GRHL3: variants seen among roughly 807,000 people sequenced by gnomAD.
GRHL3 encodes the protein grainyhead like transcription factor 3.
GRHL3 carries 20 observed loss-of-function variants against 70.3 expected under a neutral mutation model. The observed-to-expected ratio is 0.28, with a 90% CI of 0.20 to 0.41. The LOEUF is 0.41. GRHL3 is among the 10% of genes least tolerant of loss of function. GRHL3 has a pLI of 1.00. For synonymous variants in GRHL3, 299 were observed against 299.9 expected (o/e 1.00, Z 0.03); for missense variants, 637 against 762.3 (o/e 0.84, Z 1.94).
chr1:24,358,142 G>A (rs934432327), downstream of GRHL3: 1 of 465,364 alleles, frequency 2.1e-6, no homozygotes, highest in Non-Finnish European at 4.3e-6. Context: ...ATGAAACAGG[G>A]AAGGGTGGGG....
chr1:24,358,749 G>A (rs985142636), downstream of GRHL3: 8 of 653,860 alleles, frequency 1.2e-5, no homozygotes, highest in African/African-American at 1.3e-4. Flanking sequence ...CACGTGGGGA[G>A]ACAGAGAGGA....
At chr1:24,338,280 T>A (rs1051142439) in intron 7 of GRHL3, among the ~76,000 whole-genome samples, 177 bp downstream of exon 7, 1 of 152,248 alleles carries the variant, frequency 6.6e-6, no homozygotes, top group Non-Finnish European at 1.5e-5. Flanking sequence ...GTGGCGTCTT[T>A]TCTGTATTGC....
chr1:24,347,715 G>A (rs1640347629), intron 14 of GRHL3, among the ~76,000 whole-genome samples, 162 bp downstream of exon 14: 1 of 152,084 alleles, frequency 6.6e-6, no homozygotes, highest in African/African-American at 2.4e-5. Context: ...CTGCCGGTGG[G>A]GGTGTGCCTC....
chr1:24,347,337 A>G, intron 13 of GRHL3, 131 bp from the exon 14 acceptor site: 1 of 780,604 alleles, frequency 1.3e-6, no homozygotes, highest in Non-Finnish European at 2.2e-6. Flanking sequence ...GAGCCGGCCA[A>G]AGGGCCTCCC....
intron 15 of GRHL3, chr1:24,360,901 T>G: frequency 6.2e-7 from 1 of 1,613,800 alleles, no homozygotes; most frequent in Middle Eastern, 1.7e-4. Context: ...CCGGCTGGTA[T>G]TGGACACGAA....
At chr1:24,358,243 G>A (rs1411133391), downstream of GRHL3, 9 of 608,160 alleles carry the variant, frequency 1.5e-5, no homozygotes, top group Middle Eastern at 5.1e-4. Context: ...GAGTCGTGCC[G>A]GAAGGCAGCC....
intron 11 of GRHL3, among the ~76,000 whole-genome samples, chr1:24,343,866 G>A (rs1640142802): frequency 6.6e-6 from 1 of 152,234 alleles, no homozygotes; most frequent in Non-Finnish European, 1.5e-5. Context: ...AGGACAATGA[G>A]GTGTAGACAG....
At chr1:24,340,178 A>G (rs1639983448) in intron 8 of GRHL3, among the ~76,000 whole-genome samples, 1 of 152,158 alleles carries the variant, frequency 6.6e-6, no homozygotes, top group South Asian at 2.1e-4. Context: ...AGCCTTTTGC[A>G]TGGTCACACA....
At chr1:24,340,498 G>T (rs12410231) in intron 8 of GRHL3, among the ~76,000 whole-genome samples, 41,639 of 152,120 alleles carry the variant, frequency 0.27, 6,465 homozygotes, top group East Asian at 0.46. Flanking sequence ...TGCCATGTGC[G>T]CATGGGCCTC....
chr1:24,362,382 G>A lies in GRHL3; in HGVS notation c.1695-1803G>A, dbSNP rs186716956. 5.9e-5 allele frequency among the ~76,000 whole-genome samples: 9 copies of A among 152,314 alleles called. No individual in the cohort carries two copies. The East Asian group carries it at 7.7e-4, about 13-fold the overall frequency. On this transcript the variant is annotated intron_variant, in intron 15 of 15. Transcript: ENST00000350501. ...AGCAATATGGAGAAAGCATGATGGCGGAGGGGACTGAGTTTAAGGGTCACA... is the reference window on the plus strand; with the variant it reads ...AGCAATATGGAGAAAGCATGATGGCAGAGGGGACTGAGTTTAAGGGTCACA...
At chr1:24,332,046 C>T (rs1020056240) in intron 2 of GRHL3, among the ~76,000 whole-genome samples, 20 of 152,164 alleles carry the variant, frequency 1.3e-4, no homozygotes, top group African/African-American at 4.1e-4. Flanking sequence ...CTGACCCACT[C>T]GTTGCCTGGT....
Position 24,355,186 on chromosome 1 carries a change from A to G in GRHL3, c.*698A>G, listed in dbSNP as rs542914370. The G allele has an allele frequency of 1.1e-4, 17 of 152,292 alleles. No homozygotes were observed. Among genetic ancestry groups the G allele is most frequent in the Admixed American group, 2.6e-4 (4 of 15,252 alleles). The allele number at this position is 152,292 out of a possible 1,614,324, so 9.4% of individuals were successfully genotyped here. On this transcript the variant is annotated 3_prime_UTR_variant, in exon 16 of 16. Coordinates refer to ENST00000361548, the MANE Select transcript of GRHL3 (RefSeq NM_198173.3). ...ATGCAACATTTTATATTTTTCATGG[A>G]TATGTTTTTATCATTTCAAAAAATG...
intron 12 of GRHL3, among the ~76,000 whole-genome samples, 153 bp from the exon 13 acceptor site, chr1:24,346,400 C>T (rs1321382510): frequency 6.6e-6 from 1 of 152,222 alleles, no homozygotes; most frequent in Non-Finnish European, 1.5e-5. Context: ...AGTCCAACTC[C>T]AGACCTGCTG....
chr1:24,324,803 G>A (rs1639329711), intron 1 of GRHL3, among the ~76,000 whole-genome samples: 1 of 152,082 alleles, frequency 6.6e-6, no homozygotes, highest in South Asian at 2.1e-4. Context: ...AAAGCTCTGG[G>A]CCCACTCCCA....
intron 7 of GRHL3, 93 bp from the exon 8 acceptor site, chr1:24,339,575 G>C: frequency 1.3e-6 from 1 of 798,466 alleles, no homozygotes. Flanking sequence ...AACCACGCCC[G>C]GCCGAGTGAG....
At chr1:24,336,970 C>T in intron 4 of GRHL3, 108 bp from the exon 5 acceptor site, 1 of 1,256,610 alleles carries the variant, frequency 8.0e-7, no homozygotes, top group Non-Finnish European at 1.1e-6. Context: ...GTACTATTGT[C>T]CAAGTTGTAC....
At chr1:24,347,444 C>T in intron 13 of GRHL3, 24 bp from the exon 14 acceptor site, 4 of 1,598,132 alleles carry the variant, frequency 2.5e-6, no homozygotes, top group Non-Finnish European at 3.4e-6. Context: ...CTTCCTTGCA[C>T]TCAAGCTGGC....
chr1:24,362,720 T>C (rs556709778), intron 15 of GRHL3, among the ~76,000 whole-genome samples: 2 of 151,872 alleles, frequency 1.3e-5, no homozygotes, highest in South Asian at 2.1e-4. Flanking sequence ...CCCAGAGTCA[T>C]GCTGAGGCAG....
intron 7 of GRHL3, 127 bp from the exon 8 acceptor site, chr1:24,339,541 A>G (rs1279193370): frequency 8.7e-6 from 5 of 576,938 alleles, no homozygotes; most frequent in Non-Finnish European, 1.6e-5. Context: ...GGCCTCCCAA[A>G]GTGCTGGGAT....
Sources: allele counts gnomAD v4.1 joint callset (sites outside exome capture counted in the v4.1 genomes callset), GRCh38; gene constraint gnomAD v4.1.1; transcripts MANE v1.5; gene names NCBI Gene and HGNC (gene_info 2026-07-23, HGNC 2026-07-21).